The following B9D1 variants were observed in gnomAD, a reference collection of about 807,000 sequenced individuals.
B9D1 encodes the protein B9 domain containing 1.
B9D1 carries 20 observed loss-of-function variants against 26.1 expected under a neutral mutation model. The observed-to-expected ratio is 0.77, with a 90% CI of 0.54 to 1.12. The LOEUF is 1.12. B9D1 is among the 50% of genes most tolerant of loss of function. B9D1 has a pLI of 0.00. For missense variants in B9D1, 260 were observed against 273.7 expected, an observed-to-expected ratio of 0.95 and a Z score of 0.35; for synonymous variants, 105 against 103.1, an observed-to-expected ratio of 1.02 and a Z score of -0.11.
At chr17:19,342,340 G>A (rs931617015), downstream of B9D1, among the ~76,000 whole-genome samples, 6 of 152,158 alleles carry the variant, frequency 3.9e-5, no homozygotes, top group Non-Finnish European at 7.3e-5. Flanking sequence ...GAAGAGGGTC[G>A]GCCCAGATGG....
chr17:19,370,994 G>A lies in B9D1; in HGVS notation c.-298+6865C>T, dbSNP rs1911865438. Among the ~76,000 whole-genome samples, 1 of 152,182 alleles carries A rather than the reference G, an allele frequency of 6.6e-6. No individual in the cohort carries two copies. The highest frequency in any genetic ancestry group is 6.5e-5 in the Admixed American group (1 of 15,284). On this transcript the variant is annotated intron_variant, in intron 1 of 5. Transcript: ENST00000477478. The surrounding 1 kb of genome is among the most constrained non-coding windows in gnomAD (Gnocchi z 5.1). Reference sequence around the variant, plus strand: ...AGCCCCACTGCTTTCCACTGCTTTGGTGCCTTCGCCTCTCTGGGTGAACCC... The same window carrying A: ...AGCCCCACTGCTTTCCACTGCTTTGATGCCTTCGCCTCTCTGGGTGAACCC...
chr17:19,353,811 A>G (rs1964703), intron 3 of B9D1, among the ~76,000 whole-genome samples: 85,340 of 151,750 alleles, frequency 0.56, 30,805 homozygotes, highest in Non-Finnish European at 0.81. Context: ...GTGGTGGTAC[A>G]TGCCTGTAAT....
downstream of B9D1, chr17:19,335,227 T>C: frequency 2.0e-6 from 1 of 495,810 alleles, no homozygotes; most frequent in Non-Finnish European, 3.3e-6. Context: ...CCTTTTCCTT[T>C]CTTTAGCTCC....
Position 19,371,083 on chromosome 17 carries a change from G to T in B9D1, c.-298+6776C>A, listed in dbSNP as rs148091940. Among the ~76,000 whole-genome samples the T allele has an allele frequency of 6.7e-3, 1,024 of 152,332 alleles. 15 individuals are homozygous for T. The highest frequency in any genetic ancestry group is 0.024 in the African/African-American group (983 of 41,558). On this transcript the variant is annotated intron_variant, in intron 1 of 5. Transcript: ENST00000477478. ...TGCAATCATCCCCTGCGATTTTCCT[G>T]ATACAGGGAGAAGAAGGCAGGTGGC...
At chr17:19,340,004 G>A (rs553770798), downstream of B9D1, among the ~76,000 whole-genome samples, 2 of 143,466 alleles carry the variant, frequency 1.4e-5, no homozygotes, top group East Asian at 4.9e-4. Context: ...TGCCTCGACT[G>A]TCCTCATGGA....
intron 1 of B9D1, among the ~76,000 whole-genome samples, chr17:19,373,227 T>C (rs540593690): frequency 2.9e-4 from 44 of 152,278 alleles, no homozygotes; most frequent in Admixed American, 1.4e-3. Context: ...CAGGCTTGGA[T>C]TAGAGATAAT....
chr17:19,343,903 T>C (rs746999358), intron 5 of B9D1, 46 bp from the exon 6 acceptor site: 1 of 1,612,494 alleles, frequency 6.2e-7, no homozygotes, highest in East Asian at 2.2e-5. Flanking sequence ...CACCTGGGCA[T>C]TCCTGGTCTT....
At chr17:19,342,492 G>A (rs1470499890), downstream of B9D1, among the ~76,000 whole-genome samples, 1 of 152,180 alleles carries the variant, frequency 6.6e-6, no homozygotes, top group African/African-American at 2.4e-5. Context: ...CGAAAGCTCA[G>A]TGGCAGGGCA....
At chr17:19,371,196 G>T (rs1429596623) in intron 1 of B9D1, 1 of 152,564 alleles carries the variant, frequency 6.6e-6, no homozygotes, top group African/African-American at 2.4e-5. Flanking sequence ...CGTCCTGTGT[G>T]TGGATTTTTG....
intron 5 of B9D1, chr17:19,344,611 T>G (rs989420080): frequency 2.0e-5 from 4 of 200,224 alleles, no homozygotes; most frequent in Admixed American, 6.4e-5. Flanking sequence ...CGGCCGCGCC[T>G]CCTCTGTACC....
At position 19,372,885 on chromosome 17, in the gene B9D1, C is replaced by T. The variant is rs781045120; in HGVS notation, c.-298+4974G>A. Among the ~76,000 whole-genome samples the T allele has an allele frequency of 3.9e-5, 6 of 152,198 alleles. No individual in the cohort carries two copies. In the South Asian group the frequency reaches 1.2e-3, roughly 31 times the overall value. ...AAGTTTTTAACCACACCCACTCTTG[C>T]GGCAGAGGGGTGCGAACAGTTGGGC... is the stretch of plus-strand genomic sequence containing the variant. On this transcript the variant is annotated intron_variant, in intron 1 of 5. Coordinates refer to the B9D1 transcript ENST00000477478. The surrounding 1 kb of genome is among the most constrained non-coding windows in gnomAD (Gnocchi z 4.4).
At chr17:19,337,687 A>G (rs559246334), downstream of B9D1, 6 of 1,530,496 alleles carry the variant, frequency 3.9e-6, no homozygotes, top group South Asian at 4.8e-5. Context: ...TCAGTGACTC[A>G]GGGACTCAAG....
At position 19,370,282 on chromosome 17, in the gene B9D1, G is replaced by T. The variant is rs961295383; in HGVS notation, c.-298+7577C>A. ...AGAGTGGCTTCTCAGGGTGCACACGGGGGAGATGTCGTAGGACAACTGGGT... is the reference window on the plus strand; with the variant it reads ...AGAGTGGCTTCTCAGGGTGCACACGTGGGAGATGTCGTAGGACAACTGGGT... On this transcript the variant is annotated intron_variant, in intron 1 of 5. Transcript: ENST00000477478. The surrounding 1 kb of genome is among the most constrained non-coding windows in gnomAD (Gnocchi z 5.1). Among the ~76,000 whole-genome samples the T allele has an allele frequency of 6.6e-6, 1 of 152,234 alleles. No homozygotes were observed. Among genetic ancestry groups the T allele is most frequent in the Non-Finnish European group, 1.5e-5 (1 of 68,040 alleles).
intron 2 of B9D1, 60 bp downstream of exon 2, chr17:19,360,260 C>T: frequency 6.7e-7 from 1 of 1,493,948 alleles, no homozygotes; most frequent in East Asian, 2.3e-5. Context: ...AAGGATATGA[C>T]ACCTTCAGAA....
chr17:19,353,308 T>C (rs930125018), intron 3 of B9D1, among the ~76,000 whole-genome samples: 2 of 152,102 alleles, frequency 1.3e-5, no homozygotes, highest in African/African-American at 4.8e-5. Context: ...AAATCATTAA[T>C]TTTTCAGCCT....
intron 3 of B9D1, among the ~76,000 whole-genome samples, chr17:19,354,035 A>C (rs1249840415): frequency 6.6e-6 from 1 of 152,238 alleles, no homozygotes; most frequent in Non-Finnish European, 1.5e-5. Flanking sequence ...AAATTCAAAT[A>C]GCTCAGTATT....
chr17:19,341,126 TTA>T, downstream of B9D1: 2 of 1,227,756 alleles, frequency 1.6e-6, no homozygotes, highest in Non-Finnish European at 2.0e-6. Flanking sequence ...AATTGGAAAA[TTA>T]AACATAACCA....
At position 19,343,885 on chromosome 17, in the gene B9D1, C is replaced by T. The variant is rs758203348; in HGVS notation, c.405-28G>A. 3.7e-6 allele frequency: 6 copies of T among 1,613,288 alleles called. No homozygotes were observed. The Admixed American group carries it at 5.0e-5, about 13-fold the overall frequency. On this transcript the variant is annotated intron_variant, in intron 5 of 6. Transcript: ENST00000261499. Reference sequence around the variant, plus strand: ...GGGAACACAGAAGAACACAGGTGAGCAGGGCCCCACCTGGGCATTCCTGGT... The same window carrying T: ...GGGAACACAGAAGAACACAGGTGAGTAGGGCCCCACCTGGGCATTCCTGGT...
Position 19,357,710 on chromosome 17 carries a change from G to A in B9D1, c.244+130C>T. On this transcript the variant is annotated intron_variant, in intron 3 of 6. Coordinates refer to ENST00000261499, the MANE Select transcript of B9D1 (RefSeq NM_015681.6). ...GGGACAGATGGCGAGAGAGAACGTT[G>A]AGGGCTGCTTCAAGAGCCCAGGTGA... The A allele has an allele frequency of 4.0e-6, 3 of 748,610 alleles. No homozygotes were observed. In the South Asian group the frequency reaches 4.3e-5, roughly 11 times the overall value. The allele number at this position is 748,610 out of a possible 1,614,324, so 46.4% of individuals were successfully genotyped here.
Sources: allele counts gnomAD v4.1 joint callset (sites outside exome capture counted in the v4.1 genomes callset), GRCh38; gene constraint gnomAD v4.1.1; non-coding constraint Gnocchi (gnomAD v3.1); transcripts MANE v1.5; gene names NCBI Gene and HGNC (gene_info 2026-07-23, HGNC 2026-07-21).